The following MYO3B variants were observed in gnomAD, a reference collection of about 807,000 sequenced individuals.
MYO3B encodes myosin IIIB, also known as myosin-IIIb.
MYO3B carries 156 observed loss-of-function variants against 174.6 expected under a neutral mutation model. The observed-to-expected ratio is 0.89, with a 90% CI of 0.78 to 1.02. MYO3B has a LOEUF of 1.02. MYO3B is among the 50% of genes least tolerant of loss of function. The pLI is 0.00. For synonymous variants in MYO3B, 563 were observed against 569.1 expected (o/e 0.99, Z 0.15); for missense variants, 1,632 against 1,639.4 (o/e 1.00, Z 0.08).
intron 32 of MYO3B, among the ~76,000 whole-genome samples, chr2:170,583,096 AC>A (rs540962003): frequency 9.1e-3 from 141 of 15,494 alleles, no homozygotes; most frequent in African/African-American, 0.036. Context: ...CAGCCCCTCC[AC>A]CCCCTCCCCC....
chr2:170,204,256 C>G (rs2092693218), intron 3 of MYO3B, among the ~76,000 whole-genome samples: 1 of 152,210 alleles, frequency 6.6e-6, no homozygotes, highest in Admixed American at 6.5e-5. Flanking sequence ...AAGGGATTTT[C>G]TGAAGTAATT....
intron 7 of MYO3B, among the ~76,000 whole-genome samples, chr2:170,238,226 C>G (rs977225006): frequency 1.3e-5 from 2 of 152,146 alleles, no homozygotes; most frequent in Non-Finnish European, 2.9e-5. Context: ...AAAATGTATC[C>G]TTTCCCCAGA....
rs16858723 is a variant in MYO3B, at chr2:170,546,598, C to T, written c.3733+2610C>T. 0.029 allele frequency among the ~76,000 whole-genome samples: 4,357 copies of T among 152,288 alleles called. 554 individuals are homozygous for T. In the East Asian group the frequency reaches 0.44, roughly 15 times the overall value. On this transcript the variant is annotated intron_variant, in intron 32 of 34. Transcript: ENST00000408978. ...TTAGACATGAAGACGTGAGAAAACA[C>T]TATATGTAAATCGAATTCCCCTTGA...
At position 170,231,857 on chromosome 2, in the gene MYO3B, G is replaced by A. The variant is rs763252376; in HGVS notation, c.604-4134G>A. Among the ~76,000 whole-genome samples the A allele has an allele frequency of 3.9e-5, 6 of 152,330 alleles. No individual in the cohort carries two copies. The South Asian group carries it at 6.2e-4, about 16-fold the overall frequency. On this transcript the variant is annotated intron_variant, in intron 6 of 34. Transcript: ENST00000408978. Reference sequence around the variant, plus strand: ...TCACTTACTTGGAAGTCGCAAAGTCGTAGAATATTAGAGCTAGAAGGGATC... The same window carrying A: ...TCACTTACTTGGAAGTCGCAAAGTCATAGAATATTAGAGCTAGAAGGGATC...
Position 170,290,872 on chromosome 2 carries a change from C to CAA in MYO3B, c.750-44502_750-44501dup, listed in dbSNP as rs145187454. On this transcript the variant is annotated intron_variant, in intron 7 of 34. Coordinates refer to ENST00000408978, the MANE Select transcript of MYO3B (RefSeq NM_138995.5). ...CATGCTGTGGTTACCATGAGGCTTACAAAAAAAAAAAAGAACTTGTAGATA... is the reference window on the plus strand; with the variant it reads ...CATGCTGTGGTTACCATGAGGCTTACAAAAAAAAAAAAAAGAACTTGTAGATA... Among the ~76,000 whole-genome samples the CAA allele has an allele frequency of 1.5e-4, 20 of 133,554 alleles. 1 individual carries two copies. Among genetic ancestry groups the CAA allele is most frequent in the African/African-American group, 5.1e-4 (19 of 37,190 alleles). 87.6% of individuals were successfully genotyped at this position (133,554 alleles called of 152,430 possible). A position where few individuals can be genotyped will look rare whatever the true frequency, so the allele number is the denominator to read the frequency against.
At chr2:170,588,183 G>A (rs1459433495) in intron 32 of MYO3B, among the ~76,000 whole-genome samples, 1 of 152,008 alleles carries the variant, frequency 6.6e-6, no homozygotes, top group African/African-American at 2.4e-5. Flanking sequence ...TGTAATCCTA[G>A]CCCTTTGGGA....
At chr2:170,308,498 A>G (rs2093715959) in intron 7 of MYO3B, among the ~76,000 whole-genome samples, 1 of 152,080 alleles carries the variant, frequency 6.6e-6, no homozygotes, top group Non-Finnish European at 1.5e-5. Flanking sequence ...TCCCATAACA[A>G]TTTTGACATT....
Position 170,335,413 on chromosome 2 carries a change from GA to G in MYO3B, c.783del (p.Lys261AsnfsTer91). The G allele has an allele frequency of 6.2e-7, 1 of 1,611,512 alleles. No individual in the cohort carries two copies. The highest frequency in any genetic ancestry group is 1.1e-5 in the South Asian group (1 of 90,336). ...RNPPPTLLHP[E>X]KWCEEFNHFI... is the part of the protein sequence containing the mutation. ...TCCTCCACCTACTTTACTTCATCCA[GA>G]AAAATGGTGTGAAGAATTCAACCAC... On this transcript the variant is annotated frameshift_variant, in exon 8 of 35. Coordinates refer to ENST00000408978, the MANE Select transcript of MYO3B (RefSeq NM_138995.5). LOFTEE classifies it high-confidence loss of function.
chr2:170,602,936 C>A (rs1312515503), intron 32 of MYO3B, among the ~76,000 whole-genome samples: 1 of 152,052 alleles, frequency 6.6e-6, no homozygotes, highest in African/African-American at 2.4e-5. Flanking sequence ...CATGGTGGTG[C>A]ATGTGCGTGT....
chr2:170,305,602 G>A (rs1453123530), intron 7 of MYO3B, among the ~76,000 whole-genome samples: 2 of 152,038 alleles, frequency 1.3e-5, no homozygotes, highest in Non-Finnish European at 2.9e-5. Context: ...GCCTTCCCAG[G>A]ACACTTTTCC....
At chr2:170,630,814 C>A (rs1696896103) in intron 32 of MYO3B, among the ~76,000 whole-genome samples, 1 of 152,190 alleles carries the variant, frequency 6.6e-6, no homozygotes, top group Non-Finnish European at 1.5e-5. Context: ...AACTGAGGGA[C>A]CTGACTGTTA....
chr2:170,324,583 C>CT, intron 7 of MYO3B, among the ~76,000 whole-genome samples: 1 of 152,286 alleles, frequency 6.6e-6, no homozygotes, highest in East Asian at 1.9e-4. Context: ...GGTTTTTTGT[C>CT]TTTTTTTAAA....
At chr2:170,595,923 G>T (rs976424594) in intron 32 of MYO3B, among the ~76,000 whole-genome samples, 8 of 152,194 alleles carry the variant, frequency 5.3e-5, no homozygotes, top group African/African-American at 1.9e-4. Flanking sequence ...CCTCCCAAAT[G>T]TAGTTGCATC....
At chr2:170,235,809 C>T (rs892043489) in intron 6 of MYO3B, among the ~76,000 whole-genome samples, 182 bp from the exon 7 acceptor site, 2 of 152,094 alleles carry the variant, frequency 1.3e-5, no homozygotes, top group African/African-American at 2.4e-5. Context: ...AGCTAATGAA[C>T]GTATAAGATA....
At chr2:170,551,348 A>ATTTT (rs5836286) in intron 32 of MYO3B, among the ~76,000 whole-genome samples, 108,628 of 143,416 alleles carry the variant, frequency 0.76, 41,555 homozygotes, top group African/African-American at 0.83. Flanking sequence ...AATTTAATTT[A>ATTTT]ATTATTTATT....
chr2:170,237,126 C>G (rs566071236), intron 7 of MYO3B, among the ~76,000 whole-genome samples: 2 of 152,222 alleles, frequency 1.3e-5, no homozygotes, highest in African/African-American at 4.8e-5. Flanking sequence ...TTGCCTTTTT[C>G]GAATCACAAA....
At chr2:170,524,851 C>T (rs557802984) in intron 30 of MYO3B, among the ~76,000 whole-genome samples, 232 of 152,248 alleles carry the variant, frequency 1.5e-3, no homozygotes, top group Non-Finnish European at 2.0e-3. Context: ...TTTACAATCT[C>T]TGACATTGAG....
intron 1 of MYO3B, among the ~76,000 whole-genome samples, chr2:170,183,897 TA>T (rs2092433047): frequency 6.9e-6 from 1 of 143,956 alleles, no homozygotes; most frequent in South Asian, 2.3e-4. Flanking sequence ...AATTAGATAT[TA>T]AAACTTACCA....
intron 6 of MYO3B, among the ~76,000 whole-genome samples, chr2:170,232,963 A>G (rs2093030562): frequency 6.6e-6 from 1 of 152,220 alleles, no homozygotes; most frequent in African/African-American, 2.4e-5. Flanking sequence ...TTGTCTGTAA[A>G]GAGAAGTTGA....
Sources: allele counts gnomAD v4.1 joint callset (sites outside exome capture counted in the v4.1 genomes callset), GRCh38; gene constraint gnomAD v4.1.1; transcripts MANE v1.5; gene names NCBI Gene and HGNC (gene_info 2026-07-23, HGNC 2026-07-21).